Variants in TMEM132B observed in about 807,000 individuals in gnomAD.
TMEM132B encodes transmembrane protein 132B.
Under a neutral mutation model 90.8 loss-of-function variants are expected in TMEM132B, and 18 were observed. That is an observed-to-expected ratio of 0.20 (90% CI 0.14 to 0.29). The LOEUF is 0.29. TMEM132B is among the 10% of genes least tolerant of loss of function. The pLI, the probability that TMEM132B is intolerant of heterozygous loss-of-function variation, is 1.00. For missense variants in TMEM132B, 1,096 were observed against 1,326.8 expected, an observed-to-expected ratio of 0.83 and a Z score of 2.70; for synonymous variants, 504 against 523.3, an observed-to-expected ratio of 0.96 and a Z score of 0.50.
At chr12:125,255,326 T>C (rs1037876097) in intron 1 of TMEM132B, among the ~76,000 whole-genome samples, 8 of 152,044 alleles carry the variant, frequency 5.3e-5, no homozygotes, top group African/African-American at 1.4e-4. Context: ...CTTCTCTCTC[T>C]TTCTCTGTAT....
intron 4 of TMEM132B, among the ~76,000 whole-genome samples, chr12:125,544,339 TAAA>T (rs1011718357): frequency 2.0e-5 from 3 of 151,954 alleles, no homozygotes; most frequent in African/African-American, 7.3e-5. Context: ...CCCCGGAACT[TAAA>T]AAAAACTTGC....
intron 4 of TMEM132B, among the ~76,000 whole-genome samples, chr12:125,534,793 A>G (rs1387743150): frequency 6.6e-6 from 1 of 152,220 alleles, no homozygotes; most frequent in African/African-American, 2.4e-5. Flanking sequence ...ATTTTAGTTT[A>G]GAACCTGAAG....
rs1045423730 is a variant in TMEM132B at position 125,408,778 on chromosome 12, T to C, written c.960-6753T>C. Among the ~76,000 whole-genome samples, 2 of 151,784 alleles carry C rather than the reference T, an allele frequency of 1.3e-5. No individual in the cohort carries two copies. The highest frequency in any genetic ancestry group is 2.9e-5 in the Non-Finnish European group (2 of 67,918). On this transcript the variant is annotated intron_variant, in intron 2 of 8. Transcript: ENST00000682704. This position sits in a 1 kb window ranked among gnomAD's most constrained non-coding sequence, Gnocchi z 5.9. ...ACAGGGTCTACGGAAATTCAGGCTT[T>C]GTAGTTATCACCAAATAGCTTTCCA...
chr12:125,651,389 A>G (rs189599840), intron 7 of TMEM132B, among the ~76,000 whole-genome samples: 114 of 152,358 alleles, frequency 7.5e-4, no homozygotes, highest in African/African-American at 2.6e-3. Flanking sequence ...AGTTTTTAAA[A>G]ATATAATAAT....
At chr12:125,340,473 G>A (rs1168728925) in intron 1 of TMEM132B, among the ~76,000 whole-genome samples, 1 of 152,052 alleles carries the variant, frequency 6.6e-6, no homozygotes, top group East Asian at 1.9e-4. Flanking sequence ...AAGCAGAAGT[G>A]TAGGTAGTGT....
chr12:125,550,343 C>T (rs574840628), intron 4 of TMEM132B, among the ~76,000 whole-genome samples: 3 of 152,274 alleles, frequency 2.0e-5, no homozygotes, highest in East Asian at 3.9e-4. Flanking sequence ...CTTCCATGGG[C>T]TATTTCTATA....
intron 1 of TMEM132B, among the ~76,000 whole-genome samples, chr12:125,228,356 G>T (rs1442892371): frequency 6.6e-6 from 1 of 152,206 alleles, no homozygotes; most frequent in Non-Finnish European, 1.5e-5. Context: ...CGAGTGAGGA[G>T]GGATTTGGCC....
chr12:125,340,834 G>A (rs751181074), intron 1 of TMEM132B, among the ~76,000 whole-genome samples: 2 of 152,186 alleles, frequency 1.3e-5, no homozygotes, highest in Admixed American at 1.3e-4. Context: ...CTTTTGCTTC[G>A]TTGTCCATAG....
intron 1 of TMEM132B, among the ~76,000 whole-genome samples, chr12:125,200,105 C>G (rs558462743): frequency 6.6e-6 from 1 of 152,214 alleles, no homozygotes; most frequent in Non-Finnish European, 1.5e-5. Flanking sequence ...ACCAGTGTTA[C>G]AACCACACTT....
chr12:125,561,210 A>G (rs1221789648), intron 4 of TMEM132B, among the ~76,000 whole-genome samples: 2 of 152,214 alleles, frequency 1.3e-5, no homozygotes, highest in Non-Finnish European at 2.9e-5. Flanking sequence ...GGATGAGTTC[A>G]TGTGCTTTGC....
chr12:125,471,564 G>T (rs141475546), intron 3 of TMEM132B, among the ~76,000 whole-genome samples: 60 of 152,312 alleles, frequency 3.9e-4, no homozygotes, highest in African/African-American at 1.4e-3. Flanking sequence ...CCCAGTGGAC[G>T]TCGGGTTGGT....
At chr12:125,324,189 C>T (rs1344531966) in intron 1 of TMEM132B, among the ~76,000 whole-genome samples, 3 of 152,136 alleles carry the variant, frequency 2.0e-5, no homozygotes, top group South Asian at 2.1e-4. Context: ...TGCCACAATC[C>T]GTGCGTTTGA....
At chr12:125,208,627 T>C (rs1176316253) in intron 1 of TMEM132B, among the ~76,000 whole-genome samples, 1 of 152,194 alleles carries the variant, frequency 6.6e-6, no homozygotes, top group East Asian at 1.9e-4. Flanking sequence ...CCGGACCGCA[T>C]AGTGTTTTGT....
chr12:125,650,005 G>A (rs1566101658), intron 6 of TMEM132B, among the ~76,000 whole-genome samples: 1 of 152,172 alleles, frequency 6.6e-6, no homozygotes, highest in Non-Finnish European at 1.5e-5. Flanking sequence ...TTTAGATTAG[G>A]GTAGGATGGT....
At chr12:125,553,585 A>C (rs1458782602) in intron 4 of TMEM132B, among the ~76,000 whole-genome samples, 1 of 152,224 alleles carries the variant, frequency 6.6e-6, no homozygotes, top group East Asian at 1.9e-4. Flanking sequence ...GAGGAAAGTC[A>C]TGAAGACTGA....
chr12:125,200,107 A>T (rs962034575), intron 1 of TMEM132B, among the ~76,000 whole-genome samples: 9 of 152,206 alleles, frequency 5.9e-5, no homozygotes, highest in Non-Finnish European at 1.5e-5. Flanking sequence ...CAGTGTTACA[A>T]CCACACTTGT....
At chr12:125,550,271 C>CGG (rs1031334914) in intron 4 of TMEM132B, among the ~76,000 whole-genome samples, 5 of 152,196 alleles carry the variant, frequency 3.3e-5, no homozygotes, top group African/African-American at 9.7e-5. Flanking sequence ...GGCTGGGGGG[C>CGG]GGGCACACCT....
intron 4 of TMEM132B, among the ~76,000 whole-genome samples, chr12:125,548,769 A>G (rs1884150877): frequency 1.3e-5 from 2 of 152,322 alleles, no homozygotes; most frequent in South Asian, 4.1e-4. Context: ...TTGAGAAACT[A>G]TCTGGAAGTC....
intron 5 of TMEM132B, among the ~76,000 whole-genome samples, chr12:125,593,458 C>T (rs1156394026): frequency 6.6e-6 from 1 of 152,208 alleles, no homozygotes; most frequent in African/African-American, 2.4e-5. Context: ...TAAACATGGC[C>T]ATGTGCTTCC....
Sources: gnomAD v4.1 joint callset for allele counts (sites outside exome capture counted in the v4.1 genomes callset) on GRCh38, gnomAD v4.1.1 for gene constraint, Gnocchi (gnomAD v3.1) non-coding constraint, MANE v1.5 for transcripts, NCBI Gene and HGNC (gene_info 2026-07-23, HGNC 2026-07-21) for gene names.